RYR2: variants seen among roughly 807,000 people sequenced by gnomAD.
RYR2 encodes ryanodine receptor 2, also known as cardiac muscle ryanodine receptor-calcium release channel.
Under a neutral mutation model 601.1 loss-of-function variants are expected in RYR2, and 227 were observed. That is an observed-to-expected ratio of 0.38 (90% CI 0.34 to 0.42). The LOEUF (loss-of-function observed/expected upper bound fraction) is 0.42, where lower values mean the gene tolerates loss of function less well. RYR2 is among the 10% of genes least tolerant of loss of function. RYR2 has a pLI of 1.00. For missense variants in RYR2, 4,646 were observed against 6,156.5 expected, an observed-to-expected ratio of 0.75 and a Z score of 8.21; for synonymous variants, 2,223 against 2,175.1, an observed-to-expected ratio of 1.02 and a Z score of -0.61.
intron 88 of RYR2, among the ~76,000 whole-genome samples, chr1:237,779,941 A>G (rs1435273427): frequency 6.6e-6 from 1 of 152,134 alleles, no homozygotes; most frequent in Non-Finnish European, 1.5e-5. Context: ...ATGTGATTAG[A>G]CCAGCTATGT....
chr1:237,371,437 A>G (rs1700633484), intron 6 of RYR2, among the ~76,000 whole-genome samples: 1 of 152,230 alleles, frequency 6.6e-6, no homozygotes, highest in African/African-American at 2.4e-5. Flanking sequence ...GATTACAGGC[A>G]TGAGCCACCA....
chr1:237,640,138 A>G (rs1558119262), intron 46 of RYR2, among the ~76,000 whole-genome samples: 1 of 152,130 alleles, frequency 6.6e-6, no homozygotes, highest in Non-Finnish European at 1.5e-5. Context: ...CCACACTAGC[A>G]AGGGTACACC....
intron 1 of RYR2, among the ~76,000 whole-genome samples, chr1:237,251,205 A>G (rs567924273): frequency 6.6e-6 from 1 of 152,254 alleles, no homozygotes; most frequent in Non-Finnish European, 1.5e-5. Flanking sequence ...TTTTGACTCC[A>G]TATCGTCTTC....
intron 17 of RYR2, among the ~76,000 whole-genome samples, chr1:237,472,273 A>G (rs1163118618): frequency 6.6e-6 from 1 of 152,176 alleles, no homozygotes; most frequent in African/African-American, 2.4e-5. Flanking sequence ...ACGTTGCTGA[A>G]CACACACTCT....
chr1:237,354,597 A>G (rs2149686063), intron 3 of RYR2, among the ~76,000 whole-genome samples: 1 of 152,254 alleles, frequency 6.6e-6, no homozygotes, highest in South Asian at 2.1e-4. Flanking sequence ...AGAAAAGTGC[A>G]CAATTGCACT....
chr1:237,127,572 C>A (rs768650191), intron 1 of RYR2, among the ~76,000 whole-genome samples: 203 of 151,298 alleles, frequency 1.3e-3, no homozygotes, highest in Middle Eastern at 3.4e-3. Context: ...CTGACCCCCC[C>A]CACCTCCCTC....
At chr1:237,197,597 G>C (rs1487226506) in intron 1 of RYR2, among the ~76,000 whole-genome samples, 1 of 152,162 alleles carries the variant, frequency 6.6e-6, no homozygotes, top group Non-Finnish European at 1.5e-5. Context: ...ACGTGGGTGT[G>C]ATAATAGGAG....
chr1:237,324,203 TG>T (rs1339815631), intron 2 of RYR2, among the ~76,000 whole-genome samples: 2 of 152,190 alleles, frequency 1.3e-5, no homozygotes, highest in African/African-American at 4.8e-5. Flanking sequence ...TACAACACCA[TG>T]GTTTTTTTTG....
chr1:237,139,927 G>A lies in RYR2; in HGVS notation c.48+97358G>A, dbSNP rs558390818. On this transcript the variant is annotated intron_variant, in intron 1 of 104. Transcript: ENST00000366574. ...TAGCTCACAACGTGTGTGCAGAGAT[G>A]CAGGCGAGTTAACACTCAGTGATGT... 1.2e-4 allele frequency among the ~76,000 whole-genome samples: 18 copies of A among 152,318 alleles called. No individual in the cohort carries two copies. In the East Asian group the frequency reaches 3.3e-3, roughly 28 times the overall value.
intron 97 of RYR2, among the ~76,000 whole-genome samples, chr1:237,801,288 C>T (rs1659928726): frequency 6.9e-6 from 1 of 145,758 alleles, no homozygotes; most frequent in Non-Finnish European, 1.5e-5. Flanking sequence ...CCCAGCACTT[C>T]GGGAGGCCAA....
intron 29 of RYR2, among the ~76,000 whole-genome samples, chr1:237,586,737 TGAGACG>T (rs1347460065): frequency 6.6e-6 from 1 of 152,294 alleles, no homozygotes; most frequent in African/African-American, 2.4e-5. Flanking sequence ...TTCTTTTTTT[TGAGACG>T]GAGTCTTGCT....
At chr1:237,250,057 T>C (rs896698445) in intron 1 of RYR2, among the ~76,000 whole-genome samples, 3 of 152,232 alleles carry the variant, frequency 2.0e-5, no homozygotes, top group African/African-American at 7.2e-5. Flanking sequence ...TAGAACGGTC[T>C]TTCTTAATAT....
At position 237,511,834 on chromosome 1, in the gene RYR2, GAAAAAAAAA is replaced by G. The variant is rs71561879; in HGVS notation, c.2822+60_2822+68del. 0.052 allele frequency: 9,828 copies of G among 188,760 alleles called. 350 individuals carry two copies. Among genetic ancestry groups the G allele is most frequent in the African/African-American group, 0.2 (6,511 of 32,804 alleles). 11.7% of individuals were successfully genotyped at this position (188,760 alleles called of 1,614,324 possible). A position where few individuals can be genotyped will look rare whatever the true frequency, so the allele number is the denominator to read the frequency against. On this transcript the variant is annotated intron_variant, in intron 24 of 104. Coordinates refer to ENST00000366574, the MANE Select transcript of RYR2 (RefSeq NM_001035.3). ...TTCTATTTTCCAACCTGCCTTCCCT[GAAAAAAAAA>G]AAAAAAAAAAAAAAAACAGGTATTG... is the stretch of plus-strand genomic sequence containing the variant.
intron 1 of RYR2, among the ~76,000 whole-genome samples, chr1:237,190,635 TAAC>T (rs1679873078): frequency 6.6e-6 from 1 of 152,150 alleles, no homozygotes; most frequent in African/African-American, 2.4e-5. Flanking sequence ...AAATACTGCC[TAAC>T]AACTATTTAT....
intron 17 of RYR2, among the ~76,000 whole-genome samples, chr1:237,470,473 CA>C (rs1163647766): frequency 4.0e-5 from 6 of 151,824 alleles, no homozygotes; most frequent in Non-Finnish European, 7.4e-5. Context: ...TAGTGGAGGA[CA>C]AAAATTTGAG....
intron 25 of RYR2, among the ~76,000 whole-genome samples, chr1:237,533,938 AT>A (rs1180365026): frequency 6.6e-6 from 1 of 152,020 alleles, no homozygotes; most frequent in Admixed American, 6.6e-5. Flanking sequence ...TTTTATAATG[AT>A]TTTTTAAAAT....
In RYR2 at chr1:237,625,684, T is replaced by A. The variant is rs575248331; in HGVS notation, c.6046T>A (p.Ser2016Thr). 39 of 1,613,708 alleles carry A rather than the reference T, an allele frequency of 2.4e-5. No homozygotes were observed. The Admixed American group carries it at 5.7e-4, about 23-fold the overall frequency. Residue 2016 changes from serine (S) to threonine (T), a missense_variant, in exon 40 of 105, where the codon TCT becomes ACT. Ser to Thr is a moderately conservative substitution (Grantham distance 58, BLOSUM62 1). Coordinates refer to ENST00000366574, the MANE Select transcript of RYR2 (RefSeq NM_001035.3). ...HCGIELDEDG[S>T]LDGNSDLTIR... Reference sequence around the variant, plus strand: ...AGGAATTGAGCTGGATGAAGATGGGTCTCTGGATGGAAACAGTGATTTAAC... The same window carrying A: ...AGGAATTGAGCTGGATGAAGATGGGACTCTGGATGGAAACAGTGATTTAAC...
At chr1:237,158,344 G>A (rs1675623589) in intron 1 of RYR2, among the ~76,000 whole-genome samples, 2 of 152,132 alleles carry the variant, frequency 1.3e-5, no homozygotes, top group Non-Finnish European at 2.9e-5. Flanking sequence ...AAAGGGAAAG[G>A]ACATTGAAGA....
At chr1:237,774,812 C>T (rs1391780423) in intron 87 of RYR2, among the ~76,000 whole-genome samples, 1 of 152,118 alleles carries the variant, frequency 6.6e-6, no homozygotes, top group Non-Finnish European at 1.5e-5. Flanking sequence ...TAGCAAGCCA[C>T]TGGATTTTCC....
Sources: gnomAD v4.1 joint callset for allele counts (sites outside exome capture counted in the v4.1 genomes callset) on GRCh38, gnomAD v4.1.1 for gene constraint, MANE v1.5 for transcripts, NCBI Gene and HGNC (gene_info 2026-07-23, HGNC 2026-07-21) for gene names.